The following KCNH8 variants were observed in gnomAD, a reference collection of about 807,000 sequenced individuals.
KCNH8 encodes the protein voltage-gated delayed rectifier potassium channel KCNH8.
KCNH8 carries 70 observed loss-of-function variants against 103.6 expected under a neutral mutation model. The observed-to-expected ratio is 0.68, with a 90% CI of 0.56 to 0.82. The LOEUF is 0.82. KCNH8 is among the 40% of genes least tolerant of loss of function. KCNH8 has a pLI of 0.00. For missense variants in KCNH8, 1,217 were observed against 1,329.9 expected (o/e 0.92, Z 1.32); for synonymous variants, 498 against 489.4 (o/e 1.02, Z -0.23).
rs2067133272 is a variant in KCNH8 at position 19,432,207 on chromosome 3, A to G, written c.1178-5957A>G. On this transcript the variant is annotated intron_variant, in intron 7 of 15. Transcript: ENST00000328405. ...GATGTTAGAAAATGCATCCCCCTCCAATATTTTTGGAAAAAAACGTGATTA... is the reference window on the plus strand; with the variant it reads ...GATGTTAGAAAATGCATCCCCCTCCGATATTTTTGGAAAAAAACGTGATTA... Among the ~76,000 whole-genome samples the G allele has an allele frequency of 2.0e-5, 3 of 152,126 alleles. No individual in the cohort carries two copies. The South Asian group carries it at 6.2e-4, about 32-fold the overall frequency.
chr3:19,177,617 A>C (rs1278686409), intron 1 of KCNH8, among the ~76,000 whole-genome samples: 1 of 152,058 alleles, frequency 6.6e-6, no homozygotes, highest in Non-Finnish European at 1.5e-5. Flanking sequence ...ATTTAAATAC[A>C]TGTGTATTAT....
chr3:19,303,718 A>G (rs2065093506), intron 3 of KCNH8, among the ~76,000 whole-genome samples: 1 of 152,122 alleles, frequency 6.6e-6, no homozygotes, highest in Non-Finnish European at 1.5e-5. Context: ...TATAGTCACA[A>G]AAAAAGCCTC....
At chr3:19,290,459 G>A (rs182993923) in intron 3 of KCNH8, among the ~76,000 whole-genome samples, 1 of 152,168 alleles carries the variant, frequency 6.6e-6, no homozygotes, top group African/African-American at 2.4e-5. Flanking sequence ...ATCATGAAGA[G>A]TTGTTGAATT....
At chr3:19,177,083 A>G (rs2063407871) in intron 1 of KCNH8, among the ~76,000 whole-genome samples, 1 of 152,168 alleles carries the variant, frequency 6.6e-6, no homozygotes, top group Non-Finnish European at 1.5e-5. Context: ...AACACTAGAC[A>G]GTACTTCAGC....
At chr3:19,449,591 G>A (rs554156277) in intron 8 of KCNH8, among the ~76,000 whole-genome samples, 1 of 151,622 alleles carries the variant, frequency 6.6e-6, no homozygotes, top group Admixed American at 6.6e-5. Flanking sequence ...GGCTTTTTGA[G>A]GGGGTGAGAC....
chr3:19,419,322 C>A (rs2066915140), intron 7 of KCNH8, among the ~76,000 whole-genome samples: 1 of 150,734 alleles, frequency 6.6e-6, no homozygotes, highest in African/African-American at 2.4e-5. Context: ...GCCTCAGCCT[C>A]CCGAGTAGCT....
intron 11 of KCNH8, among the ~76,000 whole-genome samples, chr3:19,500,955 A>G (rs1004295891): frequency 6.6e-6 from 1 of 152,160 alleles, no homozygotes; most frequent in Non-Finnish European, 1.5e-5. Flanking sequence ...ATAGAGACAC[A>G]AAAAACCCTT....
At chr3:19,481,387 C>G (rs1175013993) in intron 11 of KCNH8, among the ~76,000 whole-genome samples, 3 of 151,976 alleles carry the variant, frequency 2.0e-5, no homozygotes, top group African/African-American at 7.2e-5. Flanking sequence ...CTCCAAAAGT[C>G]TAGTCTTTTT....
intron 7 of KCNH8, among the ~76,000 whole-genome samples, chr3:19,424,876 G>A (rs1316052926): frequency 6.6e-6 from 1 of 152,104 alleles, no homozygotes; most frequent in Non-Finnish European, 1.5e-5. Flanking sequence ...TTTTAAATGT[G>A]CATTAATTTT....
At chr3:19,343,196 A>G (rs1472224229) in intron 4 of KCNH8, among the ~76,000 whole-genome samples, 1 of 152,136 alleles carries the variant, frequency 6.6e-6, no homozygotes, top group Non-Finnish European at 1.5e-5. Context: ...TATAAAACAC[A>G]GTTGAAAATT....
At chr3:19,472,195 CGTGTGTGTGTGTGTGTGTGT>C (rs57766729) in intron 11 of KCNH8, among the ~76,000 whole-genome samples, 2,787 of 137,478 alleles carry the variant, frequency 0.02, 96 homozygotes, top group African/African-American at 0.07. Flanking sequence ...TCACTTCATT[CGTGTGTGTGTGTGTGTGTGT>C]GTGTGTGTGT....
chr3:19,289,956 C>T (rs899489668), intron 3 of KCNH8, among the ~76,000 whole-genome samples: 1 of 152,062 alleles, frequency 6.6e-6, no homozygotes, highest in Non-Finnish European at 1.5e-5. Flanking sequence ...TGAAGAGGTC[C>T]TTCACATCCC....
chr3:19,324,650 T>C (rs994814755), intron 3 of KCNH8, among the ~76,000 whole-genome samples: 3 of 152,074 alleles, frequency 2.0e-5, no homozygotes, highest in Admixed American at 1.3e-4. Flanking sequence ...AAGATCTCCA[T>C]AGGGAGTACT....
At chr3:19,520,831 G>A (rs1395024603) in intron 15 of KCNH8, among the ~76,000 whole-genome samples, 1 of 151,896 alleles carries the variant, frequency 6.6e-6, no homozygotes, top group African/African-American at 2.4e-5. Flanking sequence ...TCTGATATTT[G>A]TTTAAAGATT....
chr3:19,533,271 A>G (rs2069198264), intron 15 of KCNH8, 124 bp from the exon 16 acceptor site: 1 of 656,818 alleles, frequency 1.5e-6, no homozygotes, highest in Non-Finnish European at 2.6e-6. Flanking sequence ...AAAATGTTTA[A>G]GAATAAATAA....
intron 3 of KCNH8, among the ~76,000 whole-genome samples, chr3:19,306,059 TGGG>T (rs2065126020): frequency 6.6e-6 from 1 of 152,028 alleles, no homozygotes; most frequent in South Asian, 2.1e-4. Flanking sequence ...GTGAAAGAAA[TGGG>T]AGGAGAGGAT....
intron 5 of KCNH8, among the ~76,000 whole-genome samples, chr3:19,378,856 A>G (rs981674463): frequency 3.3e-5 from 5 of 152,200 alleles, no homozygotes; most frequent in African/African-American, 1.2e-4. Flanking sequence ...TCCTTGCAAA[A>G]CAAATAAATA....
intron 7 of KCNH8, among the ~76,000 whole-genome samples, chr3:19,407,283 C>A (rs2066706651): frequency 1.3e-5 from 2 of 152,042 alleles, no homozygotes. Flanking sequence ...CATATCTTCC[C>A]TATCTTTCTA....
chr3:19,300,750 T>C (rs2065054654), intron 3 of KCNH8, among the ~76,000 whole-genome samples: 1 of 151,986 alleles, frequency 6.6e-6, no homozygotes, highest in Admixed American at 6.5e-5. Flanking sequence ...TTTAAATTTA[T>C]AGGCATTTAG....
Sources: gnomAD v4.1 joint callset for allele counts (sites outside exome capture counted in the v4.1 genomes callset) on GRCh38, gnomAD v4.1.1 for gene constraint, MANE v1.5 for transcripts, NCBI Gene and HGNC (gene_info 2026-07-23, HGNC 2026-07-21) for gene names.